USP37: variants seen among roughly 807,000 people sequenced by gnomAD.
USP37 encodes the protein ubiquitin carboxyl-terminal hydrolase 37.
Under a neutral mutation model 124.0 loss-of-function variants are expected in USP37, and 27 were observed. That is an observed-to-expected ratio of 0.22 (90% CI 0.16 to 0.30). The LOEUF (loss-of-function observed/expected upper bound fraction) is 0.30, where lower values mean the gene tolerates loss of function less well. Among genes scored for constraint, USP37 ranks in the 10% least tolerant of loss-of-function variants. The pLI is 1.00. For missense variants in USP37, 889 were observed against 1,140.4 expected (o/e 0.78, Z 3.17); for synonymous variants, 365 against 388.0 (o/e 0.94, Z 0.70).
At chr2:218,467,315 ATATC>A (rs55656029) in intron 20 of USP37, among the ~76,000 whole-genome samples, 12,129 of 141,646 alleles carry the variant, frequency 0.086, 583 homozygotes, top group East Asian at 0.14. Context: ...CAGCTAATCT[ATATC>A]TATCTATCTA....
intron 10 of USP37, among the ~76,000 whole-genome samples, chr2:218,522,342 T>C (rs927041806): frequency 6.6e-6 from 1 of 151,570 alleles, no homozygotes; most frequent in African/African-American, 2.4e-5. Flanking sequence ...GAGGGAGGAT[T>C]GCCAGAGGCA....
intron 7 of USP37, 49 bp downstream of exon 7, chr2:218,546,868 TAA>T: frequency 6.3e-7 from 1 of 1,575,640 alleles, no homozygotes; most frequent in Middle Eastern, 1.7e-4. Flanking sequence ...CTAAAAGGCC[TAA>T]AAGACATTTA....
In USP37 at chr2:218,562,768, C is replaced by T. The variant is rs3821043; in HGVS notation, c.-184G>A. The T allele has an allele frequency of 0.04, 16,126 of 398,524 alleles. 426 individuals carry two copies. The highest frequency in any genetic ancestry group is 0.11 in the East Asian group (3,103 of 28,072). 24.7% of individuals were successfully genotyped at this position (398,524 alleles called of 1,614,324 possible). ...GCAAAGCACTCTTCTTGGGACACTA[C>T]TCATATTCTGCAGCTATGCCAGTTC... On this transcript the variant is annotated 5_prime_UTR_variant, in exon 2 of 26. Coordinates refer to ENST00000258399, the MANE Select transcript of USP37 (RefSeq NM_020935.3).
chr2:218,543,667 T>A (rs1184853535), intron 8 of USP37, among the ~76,000 whole-genome samples: 1 of 151,160 alleles, frequency 6.6e-6, no homozygotes, highest in Non-Finnish European at 1.5e-5. Context: ...AAAAAATAAA[T>A]TAGCTGGGTG....
intron 18 of USP37, among the ~76,000 whole-genome samples, chr2:218,478,953 A>T (rs1691108978): frequency 6.6e-6 from 1 of 152,216 alleles, no homozygotes; most frequent in Non-Finnish European, 1.5e-5. Context: ...GCCCTTAAAC[A>T]ACAAAAATGT....
At chr2:218,526,838 G>T (rs1306940596) in intron 10 of USP37, among the ~76,000 whole-genome samples, 1 of 134,694 alleles carries the variant, frequency 7.4e-6, no homozygotes, top group African/African-American at 2.9e-5. Flanking sequence ...GCCCAGGCTG[G>T]AGTGCAGTGG....
At chr2:218,517,375 T>C (rs1690352200) in intron 10 of USP37, among the ~76,000 whole-genome samples, 1 of 152,244 alleles carries the variant, frequency 6.6e-6, no homozygotes, top group Non-Finnish European at 1.5e-5. Context: ...GAGTTCTTTT[T>C]CCATCTGCCC....
chr2:218,544,406 A>AATATATATAT (rs1198499526), intron 8 of USP37, among the ~76,000 whole-genome samples: 1 of 82,996 alleles, frequency 1.2e-5, no homozygotes, highest in Admixed American at 1.5e-4. Context: ...AAAAAAAAAA[A>AATATATATAT]ATATATATAT....
Position 218,502,170 on chromosome 2 carries a change from A to C in USP37, c.1026-4013T>G, listed in dbSNP as rs1233408171. 6.6e-5 allele frequency among the ~76,000 whole-genome samples: 10 copies of C among 152,314 alleles called. No individual in the cohort carries two copies. The South Asian group carries it at 1.9e-3, about 28-fold the overall frequency. On this transcript the variant is annotated intron_variant, in intron 11 of 25. Transcript: ENST00000258399. ...AGAACTTAAACAGGAGACTCAAAAC[A>C]ATCAAAACTACTGCAGACAAGAATA...
chr2:218,539,764 C>T (rs1383327444), intron 8 of USP37, among the ~76,000 whole-genome samples: 4 of 152,024 alleles, frequency 2.6e-5, no homozygotes, highest in Non-Finnish European at 5.9e-5. Flanking sequence ...GTAATCCCAG[C>T]ACTTTGGGAG....
At chr2:218,555,357 A>G (rs571293208) in intron 4 of USP37, among the ~76,000 whole-genome samples, 18 of 152,300 alleles carry the variant, frequency 1.2e-4, no homozygotes, top group African/African-American at 3.4e-4. Flanking sequence ...CAATTTTGCC[A>G]ATTTATATTC....
At chr2:218,534,577 G>C in intron 9 of USP37, 32 bp downstream of exon 9, 1 of 1,320,434 alleles carries the variant, frequency 7.6e-7, no homozygotes, top group South Asian at 1.5e-5. Flanking sequence ...TAATAAATGA[G>C]CACCTTATTT....
At chr2:218,553,442 T>C (rs1427455967) in intron 5 of USP37, 111 bp downstream of exon 5, 14 of 933,758 alleles carry the variant, frequency 1.5e-5, no homozygotes, top group Middle Eastern at 5.3e-4. Context: ...TATTTGCTCA[T>C]GGTGTATAAT....
At chr2:218,509,146 A>G (rs1417836040) in intron 11 of USP37, among the ~76,000 whole-genome samples, 1 of 152,198 alleles carries the variant, frequency 6.6e-6, no homozygotes, top group Non-Finnish European at 1.5e-5. Flanking sequence ...GCACACTTAC[A>G]TGGTTGAAAG....
At chr2:218,563,047 C>T (rs905635656) in intron 1 of USP37, among the ~76,000 whole-genome samples, 1 of 151,550 alleles carries the variant, frequency 6.6e-6, no homozygotes, top group Non-Finnish European at 1.5e-5. Context: ...TCTGTAATCC[C>T]AGCTACTCGG....
intron 24 of USP37, among the ~76,000 whole-genome samples, chr2:218,456,372 GCTC>G (rs1433742937): frequency 1.3e-5 from 2 of 150,914 alleles, no homozygotes; most frequent in African/African-American, 4.9e-5. Flanking sequence ...GATCTCTTGA[GCTC>G]CTGAGCCCAG....
rs1233867219 is a variant in USP37, at chr2:218,453,057, T to C, written c.*1873A>G. On this transcript the variant is annotated 3_prime_UTR_variant, in exon 26 of 26. Transcript: ENST00000258399. The stretch of plus-strand genomic sequence containing the variant: ...GGAACATTCATTACAATAAGGTATA[T>C]AGGTAGATGGTAGGAGGCAAAGCAT... 1 of 152,186 alleles carries C rather than the reference T, an allele frequency of 6.6e-6. No individual in the cohort carries two copies. Among genetic ancestry groups the C allele is most frequent in the African/African-American group, 2.4e-5 (1 of 41,446 alleles). 9.4% of individuals were successfully genotyped at this position (152,186 alleles called of 1,614,324 possible).
intron 4 of USP37, 139 bp from the exon 5 acceptor site, chr2:218,553,863 A>G (rs1692799312): frequency 1.1e-6 from 1 of 904,198 alleles, no homozygotes; most frequent in Non-Finnish European, 1.5e-6. Context: ...TTTTTCAACC[A>G]AAAGAAGTTC....
At chr2:218,466,324 C>G in intron 20 of USP37, 148 bp from the exon 21 acceptor site, 1 of 916,074 alleles carries the variant, frequency 1.1e-6, no homozygotes, top group East Asian at 2.7e-5. Flanking sequence ...ACTAGATCTA[C>G]GTCAGGGTTG....
Sources: gnomAD v4.1 joint callset for allele counts (sites outside exome capture counted in the v4.1 genomes callset) on GRCh38, gnomAD v4.1.1 for gene constraint, MANE v1.5 for transcripts, NCBI Gene and HGNC (gene_info 2026-07-23, HGNC 2026-07-21) for gene names.